Variants in DOCK5 observed in about 807,000 individuals in gnomAD.
The protein encoded by DOCK5 is dedicator of cytokinesis protein 5.
DOCK5 carries 142 observed loss-of-function variants against 251.8 expected under a neutral mutation model. The ratio of observed to expected loss-of-function variants is 0.56; its 90% CI spans 0.49 to 0.65. The LOEUF (loss-of-function observed/expected upper bound fraction) is 0.65, where lower values mean the gene tolerates loss of function less well. Among genes scored for constraint, DOCK5 ranks in the 30% least tolerant of loss-of-function variants. The pLI is 0.00. For missense variants in DOCK5, 2,111 were observed against 2,312.3 expected (o/e 0.91, Z 1.79); for synonymous variants, 842 against 835.5 (o/e 1.01, Z -0.13).
chr8:25,405,824 A>AGATTAC lies in DOCK5; in HGVS notation c.5093+2100_5093+2101insGATTAC, dbSNP rs1296057206. The stretch of plus-strand genomic sequence containing the variant: ...ATAGTTGTGTTCTTTCTGCCTAGCA[A>AGATTAC]TATATTTAAATAATATATTGCTAAA... On this transcript the variant is annotated intron_variant, in intron 48 of 51. Coordinates refer to ENST00000276440, the MANE Select transcript of DOCK5 (RefSeq NM_024940.8). 3.4e-3 allele frequency among the ~76,000 whole-genome samples: 513 copies of AGATTAC among 152,342 alleles called. 2 individuals carry two copies. The highest frequency in any genetic ancestry group is 0.027 in the South Asian group (132 of 4,824).
chr8:25,407,773 T>G (rs1801547270), intron 48 of DOCK5, among the ~76,000 whole-genome samples: 1 of 150,758 alleles, frequency 6.6e-6, no homozygotes, highest in South Asian at 2.1e-4. Context: ...GGTACACACC[T>G]GTAGTCCCAG....
At chr8:25,407,759 T>C (rs1801547100) in intron 48 of DOCK5, among the ~76,000 whole-genome samples, 1 of 151,032 alleles carries the variant, frequency 6.6e-6, no homozygotes, top group African/African-American at 2.4e-5. Flanking sequence ...TAGCTGGGCA[T>C]GGTGGTACAC....
chr8:25,392,171 G>T (rs1033767973), intron 43 of DOCK5, among the ~76,000 whole-genome samples, 191 bp downstream of exon 43: 1 of 152,150 alleles, frequency 6.6e-6, no homozygotes, highest in Non-Finnish European at 1.5e-5. Context: ...GGGCGTGGTG[G>T]CACGCACCTG....
In DOCK5 at chr8:25,380,408, A is replaced by G. The variant is rs376207369; in HGVS notation, c.4026+14A>G. The G allele has an allele frequency of 2.0e-4, 322 of 1,596,092 alleles. 1 individual carries two copies. Among genetic ancestry groups the G allele is most frequent in the Non-Finnish European group, 2.6e-4 (309 of 1,169,272 alleles). ...GGCAACCTCCTGGTGAGTCTGGGTC[A>G]AAATATGTTAGGCCTCTGACAGGGT... On this transcript the variant is annotated intron_variant, in intron 39 of 51. Transcript: ENST00000276440.
intron 28 of DOCK5, among the ~76,000 whole-genome samples, chr8:25,361,294 A>G (rs896795163): frequency 6.6e-6 from 1 of 152,208 alleles, no homozygotes; most frequent in African/African-American, 2.4e-5. Flanking sequence ...AGAATGGCCA[A>G]TAAATTGGTG....
chr8:25,279,223 C>G (rs1169697171), intron 5 of DOCK5, among the ~76,000 whole-genome samples: 2 of 152,142 alleles, frequency 1.3e-5, no homozygotes, highest in African/African-American at 4.8e-5. Flanking sequence ...TATTCTTTCT[C>G]CCAACACTGG....
At chr8:25,189,046 C>CTTTTTTTTT (rs869176300) in intron 1 of DOCK5, among the ~76,000 whole-genome samples, 11 of 33,440 alleles carry the variant, frequency 3.3e-4, no homozygotes, top group East Asian at 9.9e-4. Flanking sequence ...TTCTTTCTTT[C>CTTTTTTTTT]TTTTTTTTTT....
intron 18 of DOCK5, 33 bp from the exon 19 acceptor site, chr8:25,332,218 C>A (rs1312441656): frequency 6.4e-7 from 1 of 1,553,464 alleles, no homozygotes; most frequent in Admixed American, 1.7e-5. Flanking sequence ...GTTGTTCTCA[C>A]CTGTATCTAA....
At chr8:25,335,458 C>T (rs187839868) in intron 21 of DOCK5, among the ~76,000 whole-genome samples, 96 of 151,820 alleles carry the variant, frequency 6.3e-4, no homozygotes, top group Non-Finnish European at 1.1e-3. Context: ...CCACTGCACT[C>T]CATCCTGGGT....
intron 40 of DOCK5, among the ~76,000 whole-genome samples, chr8:25,383,311 C>T (rs1801103619): frequency 6.6e-6 from 1 of 152,172 alleles, no homozygotes; most frequent in Non-Finnish European, 1.5e-5. Flanking sequence ...TTTGCTTAAA[C>T]ATTTATTATC....
intron 2 of DOCK5, among the ~76,000 whole-genome samples, chr8:25,245,096 G>A (rs963710455): frequency 4.6e-5 from 7 of 152,022 alleles, no homozygotes; most frequent in South Asian, 4.1e-4. Context: ...TCGCTCTGTC[G>A]CCCAGGCTGG....
At chr8:25,400,859 T>A in intron 46 of DOCK5, 70 bp from the exon 47 acceptor site, 13 of 1,549,616 alleles carry the variant, frequency 8.4e-6, no homozygotes, top group African/African-American at 1.4e-5. Context: ...CATCCCTCCC[T>A]TCCCCAACCA....
chr8:25,411,077 G>A (rs1191840421), intron 51 of DOCK5, 117 bp from the exon 52 acceptor site: 6 of 1,304,264 alleles, frequency 4.6e-6, no homozygotes, highest in Middle Eastern at 1.9e-4. Context: ...TGCAAAGCCT[G>A]TGTAGATAAA....
chr8:25,339,967 G>A (rs1256176835), intron 22 of DOCK5, among the ~76,000 whole-genome samples: 1 of 152,198 alleles, frequency 6.6e-6, no homozygotes, highest in African/African-American at 2.4e-5. Flanking sequence ...CATCTCAGAG[G>A]CAGATGGAGA....
intron 11 of DOCK5, 23 bp from the exon 12 acceptor site, chr8:25,308,760 A>T: frequency 1.2e-6 from 2 of 1,611,918 alleles, no homozygotes; most frequent in Non-Finnish European, 1.7e-6. Context: ...CTCCCACCTT[A>T]CCTCTTATTT....
chr8:25,388,294 A>T (rs771403535), intron 40 of DOCK5, among the ~76,000 whole-genome samples: 2 of 152,264 alleles, frequency 1.3e-5, no homozygotes, highest in South Asian at 2.1e-4. Context: ...TTACAAGACA[A>T]CCTGGGCCCA....
At chr8:25,319,405 G>T (rs1003677267) in intron 14 of DOCK5, among the ~76,000 whole-genome samples, 173 bp from the exon 15 acceptor site, 1 of 152,168 alleles carries the variant, frequency 6.6e-6, no homozygotes, top group African/African-American at 2.4e-5. Flanking sequence ...GAATAAAGTG[G>T]TGGAAATTCA....
chr8:25,227,191 A>G (rs1160257244), intron 1 of DOCK5, among the ~76,000 whole-genome samples: 1 of 152,190 alleles, frequency 6.6e-6, no homozygotes, highest in Non-Finnish European at 1.5e-5. Flanking sequence ...GCTCACGTTC[A>G]CACCACATCT....
intron 2 of DOCK5, among the ~76,000 whole-genome samples, chr8:25,259,293 C>G (rs1421648736): frequency 6.6e-6 from 1 of 152,068 alleles, no homozygotes; most frequent in East Asian, 1.9e-4. Context: ...GTCTACTGTG[C>G]CCCAGCAGGG....
Sources: gnomAD v4.1 joint callset for allele counts (sites outside exome capture counted in the v4.1 genomes callset) on GRCh38, gnomAD v4.1.1 for gene constraint, MANE v1.5 for transcripts, NCBI Gene and HGNC (gene_info 2026-07-23, HGNC 2026-07-21) for gene names.